Variants in ABR observed in about 807,000 individuals in gnomAD.
The protein encoded by ABR is active breakpoint cluster region-related protein.
Under a neutral mutation model 107.2 loss-of-function variants are expected in ABR, and 35 were observed. That is an observed-to-expected ratio of 0.33 (90% CI 0.25 to 0.43). The LOEUF is 0.43. Ranked by LOEUF, ABR falls within the 20% of genes least tolerant of loss-of-function variation. The probability of loss-of-function intolerance (pLI) is 1.00; values close to 1 mark genes in which losing one functional copy is unlikely to be tolerated. For synonymous variants in ABR, 498 were observed against 462.0 expected (o/e 1.08, Z -1.00); for missense variants, 815 against 1,115.2 (o/e 0.73, Z 3.83).
intron 1 of ABR, among the ~76,000 whole-genome samples, chr17:1,195,839 C>T (rs1224095437): frequency 3.4e-5 from 5 of 146,372 alleles, no homozygotes; most frequent in South Asian, 2.1e-4. Context: ...CGGTGGCTCA[C>T]GCCTGTAATC....
chr17:1,061,288 C>T (rs536419777), intron 10 of ABR, among the ~76,000 whole-genome samples: 4 of 152,292 alleles, frequency 2.6e-5, no homozygotes, highest in Admixed American at 6.5e-5. Flanking sequence ...GAAACAGGCA[C>T]GCAGGATGCT....
chr17:1,016,344 T>A (rs1201786910), intron 16 of ABR, among the ~76,000 whole-genome samples: 1 of 143,722 alleles, frequency 7.0e-6, no homozygotes. Context: ...TGAGACGGAG[T>A]CTCGCTCTGT....
chr17:1,163,045 C>A (rs2041365175), intron 1 of ABR, among the ~76,000 whole-genome samples: 1 of 152,194 alleles, frequency 6.6e-6, no homozygotes, highest in African/African-American at 2.4e-5. Context: ...GCACTCCAGC[C>A]TGGGCGACAG....
At chr17:1,047,366 G>A (rs181556753) in intron 16 of ABR, among the ~76,000 whole-genome samples, 1 of 152,384 alleles carries the variant, frequency 6.6e-6, no homozygotes, top group African/African-American at 2.4e-5. Context: ...CCGGGTTCGT[G>A]GGAACAGCTC....
chr17:1,229,239 A>G (rs1180666577), exon 1 of ABR, among the ~76,000 whole-genome samples: 1 of 151,400 alleles, frequency 6.6e-6, no homozygotes, highest in African/African-American at 2.4e-5. Flanking sequence ...CCGGAACCGC[A>G]GCTGGGGCTG....
At chr17:1,043,334 AT>A (rs1223910450) in intron 16 of ABR, among the ~76,000 whole-genome samples, 2 of 151,068 alleles carry the variant, frequency 1.3e-5, no homozygotes, top group Non-Finnish European at 3.0e-5. Context: ...CGCCCGGCTA[AT>A]TTTTTTTAAT....
At chr17:1,067,362 G>T (rs546877886) in intron 9 of ABR, 120 bp from the exon 10 acceptor site, 2 of 914,462 alleles carry the variant, frequency 2.2e-6, no homozygotes, top group African/African-American at 1.7e-5. Context: ...CCAGAAGCAA[G>T]AACGATCCCT....
intron 16 of ABR, chr17:1,039,645 T>A (rs1476713442): frequency 6.6e-6 from 1 of 152,378 alleles, no homozygotes; most frequent in Non-Finnish European, 1.5e-5. Context: ...CACGGGGCCC[T>A]GGGAGGAAGT....
At chr17:1,066,762 C>T (rs1007931755) in intron 10 of ABR, among the ~76,000 whole-genome samples, 13 of 152,148 alleles carry the variant, frequency 8.5e-5, no homozygotes, top group African/African-American at 3.1e-4. Context: ...CTCCTGGCCT[C>T]AGGTGATCCA....
At chr17:1,086,381 CAT>C (rs1281253638) in intron 4 of ABR, among the ~76,000 whole-genome samples, 3 of 152,156 alleles carry the variant, frequency 2.0e-5, no homozygotes, top group Non-Finnish European at 4.4e-5. Flanking sequence ...CCGATTTACA[CAT>C]AGCATTGCTG....
At position 1,084,017 on chromosome 17, in the gene ABR, G is replaced by C. The variant is rs567045487; in HGVS notation, c.532-390C>G. Among the ~76,000 whole-genome samples the C allele has an allele frequency of 1.3e-5, 2 of 152,148 alleles. No homozygotes were observed. The highest frequency in any genetic ancestry group is 1.9e-4 in the East Asian group (1 of 5,178). The stretch of plus-strand genomic sequence containing the variant: ...GAATTAGCCGGAGCAGGGAGAGAGG[G>C]GGGTGTGTGTGCTGGGGGGAGCTGG... On this transcript the variant is annotated intron_variant, in intron 4 of 22. Transcript: ENST00000302538. The surrounding 1 kb of genome is among the most constrained non-coding windows in gnomAD (Gnocchi z 4.2).
intron 16 of ABR, 160 bp downstream of exon 16, chr17:1,049,890 C>A (rs990411880): frequency 2.0e-6 from 2 of 1,004,358 alleles, no homozygotes; most frequent in Non-Finnish European, 2.9e-6. Context: ...CAACAGGCAG[C>A]CACCTCTAGC....
chr17:1,013,302 C>A, intron 16 of ABR, 138 bp from the exon 17 acceptor site: 1 of 877,826 alleles, frequency 1.1e-6, no homozygotes. Flanking sequence ...CTGATGTTTA[C>A]CTGGAAATCA....
At chr17:1,072,252 G>T (rs2035297711) in intron 8 of ABR, among the ~76,000 whole-genome samples, 1 of 152,136 alleles carries the variant, frequency 6.6e-6, no homozygotes, top group African/African-American at 2.4e-5. Context: ...AAACTTCTCA[G>T]CCTAGGGCCT....
chr17:1,094,172 C>A (rs1024992021), intron 3 of ABR, among the ~76,000 whole-genome samples: 3 of 152,156 alleles, frequency 2.0e-5, no homozygotes, highest in African/African-American at 7.2e-5. Flanking sequence ...CTGGTCCTTG[C>A]TAGGCAAGCG....
chr17:1,110,556 C>A (rs1210656695), intron 2 of ABR, among the ~76,000 whole-genome samples: 1 of 152,204 alleles, frequency 6.6e-6, no homozygotes, highest in African/African-American at 2.4e-5. Context: ...CATTTTAAAA[C>A]AACATGGTGC....
intron 6 of ABR, among the ~76,000 whole-genome samples, chr17:1,076,716 GGGGGGGTGGGGGT>G (rs1331378590): frequency 1.0e-5 from 1 of 99,604 alleles, no homozygotes; most frequent in African/African-American, 4.6e-5. Context: ...CAGGTGCACG[GGGGGGGTGGGGGT>G]GGGGGGGGTG....
chr17:1,184,434 A>G (rs2042229650), upstream of ABR, among the ~76,000 whole-genome samples: 2 of 151,938 alleles, frequency 1.3e-5, no homozygotes, highest in Admixed American at 1.3e-4. Flanking sequence ...CAGCCTGGGG[A>G]CAGAGCAAGA....
intron 4 of ABR, 147 bp downstream of exon 4, chr17:1,091,518 C>T: frequency 3.3e-6 from 3 of 911,150 alleles, no homozygotes; most frequent in Non-Finnish European, 4.9e-6. Context: ...CCATAACACA[C>T]AGGCCCAGGC....
Sources: gnomAD v4.1 joint callset for allele counts (sites outside exome capture counted in the v4.1 genomes callset) on GRCh38, gnomAD v4.1.1 for gene constraint, Gnocchi (gnomAD v3.1) non-coding constraint, MANE v1.5 for transcripts, NCBI Gene and HGNC (gene_info 2026-07-23, HGNC 2026-07-21) for gene names.